CD101: variants seen among roughly 807,000 people sequenced by gnomAD.
The protein encoded by CD101 is immunoglobulin superfamily member 2.
A neutral mutation model predicts 98.2 loss-of-function variants in CD101; 76 were observed. The observed-to-expected ratio is 0.77, with a 90% CI of 0.64 to 0.94. The LOEUF is 0.94. Ranked by LOEUF, CD101 falls within the 40% of genes least tolerant of loss-of-function variation. The pLI, the probability that CD101 is intolerant of heterozygous loss-of-function variation, is 0.00. For synonymous variants in CD101, 471 were observed against 472.7 expected (o/e 1.00, Z 0.05); for missense variants, 1,145 against 1,218.8 (o/e 0.94, Z 0.90).
At chr1:117,026,497 T>C (rs1380419546) in intron 8 of CD101, 2 of 152,290 alleles carry the variant, frequency 1.3e-5, no homozygotes, top group Non-Finnish European at 2.9e-5. Flanking sequence ...AGTTTTCTCC[T>C]GAGTGCCAGG....
chr1:117,025,643 G>A lies in CD101; in HGVS notation c.2563G>A (p.Glu855Lys). Residue 855 changes from glutamate (E) to lysine (K), a missense_variant, in exon 8 of 10, where the codon GAA (glutamate) becomes AAA (lysine). Transcript: ENST00000682167. ...LYSVMWYWNR[E>K]NSGSKLLVHL... ...CTCTGTGATGTGGTACTGGAACAGA[G>A]AAAACTCTGGAAGTAAATTGCTGGT... 2 of 1,614,186 alleles carry A rather than the reference G, an allele frequency of 1.2e-6. No homozygotes were observed. The highest frequency in any genetic ancestry group is 1.7e-6 in the Non-Finnish European group (2 of 1,180,036).
chr1:117,015,456 TG>T (rs1319352712), intron 4 of CD101, among the ~76,000 whole-genome samples: 6 of 152,158 alleles, frequency 3.9e-5, no homozygotes, highest in African/African-American at 1.4e-4. Flanking sequence ...ATTTTTAACT[TG>T]AAAAAAACTA....
Position 117,033,958 on chromosome 1 carries a change from C to T in CD101, c.2923C>T (p.Leu975Phe). Residue 975 changes from leucine to phenylalanine, a missense_variant, in exon 9 of 10, where the codon CTC (leucine) becomes TTC (phenylalanine). Coordinates refer to ENST00000682167, the MANE Select transcript of CD101 (RefSeq NM_001256106.3). This position sits in a 1 kb window ranked among gnomAD's most constrained non-coding sequence, Gnocchi z 4.8. ...GCTCCTCCTTCTGCTCATCTCCCTC[C>T]TCTGCTTATACTGGAAGGCCAGGAA... ...VLLLLLLISL[L>F]CLYWKARKLS... The T allele has an allele frequency of 6.2e-7, 1 of 1,614,130 alleles. No homozygotes were observed. Among genetic ancestry groups the T allele is most frequent in the South Asian group, 1.1e-5 (1 of 91,076 alleles).
At chr1:117,030,546 T>C (rs1170438533) in intron 8 of CD101, among the ~76,000 whole-genome samples, 1 of 152,176 alleles carries the variant, frequency 6.6e-6, no homozygotes, top group Non-Finnish European at 1.5e-5. Context: ...AGGAGCTGTG[T>C]GTCTTTACCA....
intron 4 of CD101, among the ~76,000 whole-genome samples, chr1:117,014,160 T>C (rs1448110104): frequency 1.3e-5 from 2 of 150,826 alleles, no homozygotes; most frequent in African/African-American, 4.9e-5. Context: ...GCAGAGAACA[T>C]GTGTATTAAT....
In CD101 at chr1:117,029,183, GAAA is replaced by G. The variant is rs1557778687; in HGVS notation, c.2824+3280_2824+3282del. Among the ~76,000 whole-genome samples, 17 of 96,404 alleles carry G rather than the reference GAAA, an allele frequency of 1.8e-4. 1 individual carries two copies. The highest frequency in any genetic ancestry group is 3.4e-4 in the South Asian group (1 of 2,956). The allele number at this position is 96,404 out of a possible 152,430, so 63.2% of individuals were successfully genotyped here. The stretch of plus-strand genomic sequence containing the variant: ...AGAAAGAAAGAAAGAAAGAAAGAAA[GAAA>G]GAAAGAAAGAAAGAAAGAAAAGAAA... On this transcript the variant is annotated intron_variant, in intron 8 of 9. Coordinates refer to ENST00000682167, the MANE Select transcript of CD101 (RefSeq NM_001256106.3).
At chr1:117,028,659 G>A (rs547837180) in intron 8 of CD101, among the ~76,000 whole-genome samples, 1 of 152,304 alleles carries the variant, frequency 6.6e-6, no homozygotes, top group Admixed American at 6.5e-5. Flanking sequence ...GAGCTGGGAA[G>A]GGAATCAGGA....
In CD101 at chr1:117,034,012, A is replaced by G. The variant is rs1415316310; in HGVS notation, c.2977A>G (p.Lys993Glu). 2 of 1,613,990 alleles carry G rather than the reference A, an allele frequency of 1.2e-6. No individual in the cohort carries two copies. The highest frequency in any genetic ancestry group is 1.7e-6 in the Non-Finnish European group (2 of 1,180,028). ...KLSTLRSNTR[K>E]EKALWVDLKE... is the part of the protein sequence containing the mutation. ...GTCAACACTGCGTTCCAACACACGG[A>G]AAGAAAAAGCTCTCTGGGTGGACTT... Residue 993 changes from lysine to glutamate, a missense_variant, in exon 9 of 10, where the codon AAA (lysine) becomes GAA (glutamate). Lys to Glu is a moderately conservative substitution (Grantham distance 56). Coordinates refer to ENST00000682167, the MANE Select transcript of CD101 (RefSeq NM_001256106.3).
At position 117,033,843 on chromosome 1, in the gene CD101, T is replaced by A. The variant is rs1426029715; in HGVS notation, c.2825-17T>A. ...AGTTGGAGATGAATTACTCTCTTGT[T>A]TCTCCCTTCGTTGCAGAGCCCACGC... On this transcript the variant is annotated splice_polypyrimidine_tract_variant and intron_variant, in intron 8 of 9. Transcript: ENST00000682167. The surrounding 1 kb of genome is among the most constrained non-coding windows in gnomAD (Gnocchi z 4.8). 1 of 1,613,878 alleles carries A rather than the reference T, an allele frequency of 6.2e-7. No homozygotes were observed. Among genetic ancestry groups the A allele is most frequent in the Admixed American group, 1.7e-5 (1 of 59,990 alleles).
intron 3 of CD101, 32 bp downstream of exon 3, chr1:117,011,998 A>C: frequency 6.5e-7 from 1 of 1,543,912 alleles, no homozygotes; most frequent in Non-Finnish European, 8.9e-7. Flanking sequence ...TCATTAATAC[A>C]CTAGTATTAG....
Position 117,021,527 on chromosome 1 carries a change from C to CT in CD101, c.2018-43dup. On this transcript the variant is annotated intron_variant, in intron 6 of 9. Coordinates refer to ENST00000682167, the MANE Select transcript of CD101 (RefSeq NM_001256106.3). This position sits in a 1 kb window ranked among gnomAD's most constrained non-coding sequence, Gnocchi z 4.7. ...ACCTCTAATGTCTCTACTACCTTAA[C>CT]TTTCTATTTCATAGCAAAGTAACTG... 1.3e-6 allele frequency: 2 copies of CT among 1,498,352 alleles called. No homozygotes were observed. The highest frequency in any genetic ancestry group is 8.9e-7 in the Non-Finnish European group (1 of 1,122,890). 92.8% of individuals were successfully genotyped at this position (1,498,352 alleles called of 1,614,324 possible). A position where few individuals can be genotyped will look rare whatever the true frequency, so the allele number is the denominator to read the frequency against.
In CD101 at chr1:117,021,066, C is replaced by A. The variant is rs903258387; in HGVS notation, c.2018-507C>A. Among the ~76,000 whole-genome samples, 1 of 152,180 alleles carries A rather than the reference C, an allele frequency of 6.6e-6. No individual in the cohort carries two copies. Among genetic ancestry groups the A allele is most frequent in the African/African-American group, 2.4e-5 (1 of 41,444 alleles). ...TGTACAACTTCCTTTTGTTTACCCACGTTTGAAGGCAGATACAACTAGAGT... is the reference window on the plus strand; with the variant it reads ...TGTACAACTTCCTTTTGTTTACCCAAGTTTGAAGGCAGATACAACTAGAGT... On this transcript the variant is annotated intron_variant, in intron 6 of 9. Coordinates refer to ENST00000682167, the MANE Select transcript of CD101 (RefSeq NM_001256106.3). The surrounding 1 kb of genome is among the most constrained non-coding windows in gnomAD (Gnocchi z 4.7).
chr1:117,018,791 C>G lies in CD101; in HGVS notation c.2017+231C>G, dbSNP rs1024177720. On this transcript the variant is annotated intron_variant, in intron 6 of 9. Transcript: ENST00000682167. This position sits in a 1 kb window ranked among gnomAD's most constrained non-coding sequence, Gnocchi z 4.3. Reference sequence around the variant, plus strand: ...CCTTCCATGCTGGCTAATTGCTGCTCTCTACCCATTCCCCATTTTCCCCTA... The same window carrying G: ...CCTTCCATGCTGGCTAATTGCTGCTGTCTACCCATTCCCCATTTTCCCCTA... 1.1e-4 allele frequency among the ~76,000 whole-genome samples: 16 copies of G among 152,202 alleles called. No individual in the cohort carries two copies. The highest frequency in any genetic ancestry group is 2.9e-5 in the Non-Finnish European group (2 of 68,032).
rs201470589 is a variant in CD101 at position 117,030,468 on chromosome 1, AAG to A, written c.2825-3382_2825-3381del. ...GAGAAAGAAAGAAAAGAAAGAAAAA[AAG>A]AGAGAGAGAAAGAGAAAGAGAGAAA... On this transcript the variant is annotated intron_variant, in intron 8 of 9. Coordinates refer to ENST00000682167, the MANE Select transcript of CD101 (RefSeq NM_001256106.3). Among the ~76,000 whole-genome samples, 17 of 152,108 alleles carry A rather than the reference AAG, an allele frequency of 1.1e-4. 1 individual carries two copies. The highest frequency in any genetic ancestry group is 8.5e-4 in the Admixed American group (13 of 15,264).
At chr1:117,020,723 G>A (rs1050159720) in intron 6 of CD101, among the ~76,000 whole-genome samples, 1 of 152,200 alleles carries the variant, frequency 6.6e-6, no homozygotes, top group Non-Finnish European at 1.5e-5. Flanking sequence ...CCCTGCACTT[G>A]TCTCCCTCTA....
intron 6 of CD101, among the ~76,000 whole-genome samples, chr1:117,020,742 G>A (rs1468224858): frequency 6.6e-6 from 1 of 152,180 alleles, no homozygotes; most frequent in African/African-American, 2.4e-5. Flanking sequence ...TAGAGTGTGA[G>A]CCACTGAGGG....
rs755410516 is a variant in CD101, at chr1:117,001,857, CTGAG to C, written c.42_43+2del. On this transcript the variant is annotated splice_donor_variant and coding_sequence_variant, in exon 1 of 10. Coordinates refer to ENST00000682167, the MANE Select transcript of CD101 (RefSeq NM_001256106.3). LOFTEE classifies it high-confidence loss of function. Reference sequence around the variant, plus strand: ...ATATGTGGCATCTTTCTTTCTCCTTCTGAGTAAGTTTCATAATCCTTTATGTTTC... The same window carrying C: ...ATATGTGGCATCTTTCTTTCTCCTTCTAAGTTTCATAATCCTTTATGTTTC... The C allele has an allele frequency of 7.2e-5, 116 of 1,613,900 alleles. No homozygotes were observed. The highest frequency in any genetic ancestry group is 8.9e-5 in the Non-Finnish European group (105 of 1,179,900).
In CD101 at chr1:117,005,424, C is replaced by A. The variant is rs746132208; in HGVS notation, c.43+3564C>A. Reference sequence around the variant, plus strand: ...TTGAAATCCCTTTTACAAAGATCTTCATGGACATCCTCCTCATCGAGCTAA... The same window carrying A: ...TTGAAATCCCTTTTACAAAGATCTTAATGGACATCCTCCTCATCGAGCTAA... On this transcript the variant is annotated intron_variant, in intron 1 of 9. Coordinates refer to ENST00000682167, the MANE Select transcript of CD101 (RefSeq NM_001256106.3). This position sits in a 1 kb window ranked among gnomAD's most constrained non-coding sequence, Gnocchi z 4.4. Among the ~76,000 whole-genome samples the A allele has an allele frequency of 6.6e-6, 1 of 152,180 alleles. No homozygotes were observed. Among genetic ancestry groups the A allele is most frequent in the Non-Finnish European group, 1.5e-5 (1 of 68,036 alleles).
chr1:117,021,534 T>C lies in CD101; in HGVS notation c.2018-39T>C, dbSNP rs1653580508. On this transcript the variant is annotated intron_variant, in intron 6 of 9. Coordinates refer to ENST00000682167, the MANE Select transcript of CD101 (RefSeq NM_001256106.3). The surrounding 1 kb of genome is among the most constrained non-coding windows in gnomAD (Gnocchi z 4.7). ...ATGTCTCTACTACCTTAACTTTCTA[T>C]TTCATAGCAAAGTAACTGTTTCATT... 1 of 1,511,736 alleles carries C rather than the reference T, an allele frequency of 6.6e-7. No individual in the cohort carries two copies. The highest frequency in any genetic ancestry group is 8.8e-7 in the Non-Finnish European group (1 of 1,130,648). 93.6% of individuals were successfully genotyped at this position (1,511,736 alleles called of 1,614,324 possible). A position where few individuals can be genotyped will look rare whatever the true frequency, so the allele number is the denominator to read the frequency against.
Sources: allele counts gnomAD v4.1 joint callset (sites outside exome capture counted in the v4.1 genomes callset), GRCh38; gene constraint gnomAD v4.1.1; non-coding constraint Gnocchi (gnomAD v3.1); transcripts MANE v1.5; gene names NCBI Gene and HGNC (gene_info 2026-07-23, HGNC 2026-07-21).